CCDC73: variants seen among roughly 807,000 people sequenced by gnomAD.
CCDC73 encodes the protein coiled-coil domain containing 73.
CCDC73 carries 95 observed loss-of-function variants against 116.5 expected under a neutral mutation model. The ratio of observed to expected loss-of-function variants is 0.82; its 90% CI spans 0.69 to 0.97. CCDC73 has a LOEUF of 0.97. CCDC73 is among the 50% of genes least tolerant of loss of function. The pLI is 0.00. For synonymous variants in CCDC73, 398 were observed against 401.3 expected, an observed-to-expected ratio of 0.99 and a Z score of 0.10; for missense variants, 1,066 against 1,206.8, an observed-to-expected ratio of 0.88 and a Z score of 1.73.
At chr11:32,616,548 T>C (rs1855476238) in intron 14 of CCDC73, among the ~76,000 whole-genome samples, 1 of 152,074 alleles carries the variant, frequency 6.6e-6, no homozygotes. Flanking sequence ...GGTGCGATCA[T>C]AGTGCACGAC....
chr11:32,649,188 T>G (rs1208004699), intron 12 of CCDC73, among the ~76,000 whole-genome samples: 4 of 152,214 alleles, frequency 2.6e-5, no homozygotes, highest in Non-Finnish European at 5.9e-5. Context: ...AATGCCTCTC[T>G]CTTTTGAAAA....
chr11:32,731,646 C>A (rs543821249), intron 2 of CCDC73, among the ~76,000 whole-genome samples: 12 of 151,944 alleles, frequency 7.9e-5, no homozygotes, highest in Non-Finnish European at 1.5e-4. Context: ...GATACCCAGG[C>A]AAACAGGGTC....
At chr11:32,740,090 T>C (rs1267272618) in intron 2 of CCDC73, among the ~76,000 whole-genome samples, 1 of 152,154 alleles carries the variant, frequency 6.6e-6, no homozygotes, top group East Asian at 1.9e-4. Context: ...AGTATTTTGT[T>C]GAGAATTTTT....
At chr11:32,643,322 T>C (rs927671462) in intron 12 of CCDC73, among the ~76,000 whole-genome samples, 1 of 152,084 alleles carries the variant, frequency 6.6e-6, no homozygotes, top group African/African-American at 2.4e-5. Context: ...CAGGATAACA[T>C]AGATATTTTT....
chr11:32,714,721 C>T lies in CCDC73; in HGVS notation c.207+3355G>A, dbSNP rs144037581. Among the ~76,000 whole-genome samples, 56 of 152,158 alleles carry T rather than the reference C, an allele frequency of 3.7e-4. No homozygotes were observed. In the East Asian group the frequency reaches 9.8e-3, roughly 27 times the overall value. On this transcript the variant is annotated intron_variant, in intron 3 of 17. Coordinates refer to ENST00000335185, the MANE Select transcript of CCDC73 (RefSeq NM_001008391.4). ...GACATATTCAGAAAGAAACAGCTAC[C>T]ATTCAAGAGGTATGGATCAAGACAG...
intron 12 of CCDC73, among the ~76,000 whole-genome samples, chr11:32,645,834 T>C (rs1016740746): frequency 1.1e-4 from 16 of 152,172 alleles, no homozygotes; most frequent in African/African-American, 3.9e-4. Context: ...ATAGGAATTT[T>C]TACCTCCATT....
intron 6 of CCDC73, among the ~76,000 whole-genome samples, chr11:32,689,052 T>C (rs1299914905): frequency 6.6e-6 from 1 of 152,086 alleles, no homozygotes; most frequent in Non-Finnish European, 1.5e-5. Flanking sequence ...GAAAGGAATC[T>C]AGAAGAACAG....
chr11:32,749,664 G>A (rs1310267323), intron 2 of CCDC73, among the ~76,000 whole-genome samples: 1 of 151,948 alleles, frequency 6.6e-6, no homozygotes, highest in Non-Finnish European at 1.5e-5. Context: ...TCCTTCTTGG[G>A]AAGGCTTTCC....
intron 13 of CCDC73, among the ~76,000 whole-genome samples, chr11:32,641,010 T>C (rs1855728034): frequency 1.5e-5 from 2 of 130,878 alleles, no homozygotes; most frequent in South Asian, 5.1e-4. Context: ...AGTGAGACTC[T>C]GTCCCCCACC....
upstream of CCDC73, among the ~76,000 whole-genome samples, chr11:32,798,318 G>A (rs1019125089): frequency 2.6e-5 from 4 of 152,238 alleles, no homozygotes; most frequent in South Asian, 4.1e-4. Flanking sequence ...TATTTTAGAC[G>A]AGGTCTCGCT....
chr11:32,688,933 C>T (rs561272863), intron 6 of CCDC73, among the ~76,000 whole-genome samples: 1 of 152,120 alleles, frequency 6.6e-6, no homozygotes, highest in African/African-American at 2.4e-5. Context: ...CAAGGTGATG[C>T]TTTGGTAATC....
chr11:32,794,862 TTTGTTTTTGG>T (rs1850709785), upstream of CCDC73, among the ~76,000 whole-genome samples: 1 of 129,650 alleles, frequency 7.7e-6, no homozygotes, highest in African/African-American at 2.9e-5. Context: ...TTGTTTTCGG[TTTGTTTTTGG>T]TTTTTTTTTT....
At chr11:32,760,052 A>T in intron 2 of CCDC73, 57 bp downstream of exon 2, 1 of 1,425,502 alleles carries the variant, frequency 7.0e-7, no homozygotes, top group Non-Finnish European at 9.7e-7. Context: ...AAAAAACAAT[A>T]AACTGAACAA....
At chr11:32,827,416 CAG>C in the CCDC73 span, among the ~76,000 whole-genome samples, 2 of 152,178 alleles carry the variant, frequency 1.3e-5, no homozygotes, top group South Asian at 4.1e-4. Flanking sequence ...TACTGAGAAA[CAG>C]ACTTCATTTC....
At chr11:32,819,202 A>T in the CCDC73 span, among the ~76,000 whole-genome samples, 414 of 151,436 alleles carry the variant, frequency 2.7e-3, 2 homozygotes, top group Non-Finnish European at 4.2e-3. Flanking sequence ...ATATGGTCTT[A>T]AATGCAAAGA....
intron 14 of CCDC73, among the ~76,000 whole-genome samples, chr11:32,616,545 T>A (rs1855476217): frequency 6.6e-6 from 1 of 152,094 alleles, no homozygotes; most frequent in African/African-American, 2.4e-5. Flanking sequence ...ACAGGTGCGA[T>A]CATAGTGCAC....
chr11:32,769,172 C>A (rs1850470922), intron 1 of CCDC73, among the ~76,000 whole-genome samples: 1 of 151,996 alleles, frequency 6.6e-6, no homozygotes, highest in Non-Finnish European at 1.5e-5. Flanking sequence ...AGATATACAC[C>A]CTTTATCTGT....
At chr11:32,719,682 T>A (rs1849974286) in intron 2 of CCDC73, among the ~76,000 whole-genome samples, 1 of 152,200 alleles carries the variant, frequency 6.6e-6, no homozygotes, top group African/African-American at 2.4e-5. Flanking sequence ...ATAAAACTTT[T>A]AATCAAACTA....
At chr11:32,785,953 A>G (rs937676924) in intron 1 of CCDC73, among the ~76,000 whole-genome samples, 7 of 152,304 alleles carry the variant, frequency 4.6e-5, no homozygotes, top group Middle Eastern at 6.8e-3. Flanking sequence ...ATATGTAAAG[A>G]CCTGGTTTTA....
Sources: allele counts gnomAD v4.1 joint callset (sites outside exome capture counted in the v4.1 genomes callset), GRCh38; gene constraint gnomAD v4.1.1; transcripts MANE v1.5; gene names NCBI Gene and HGNC (gene_info 2026-07-23, HGNC 2026-07-21).